The following PRLR variants were observed in gnomAD, a reference collection of about 807,000 sequenced individuals.
PRLR encodes the protein prolactin receptor.
In PRLR, 13 loss-of-function variants were observed where a neutral mutation model predicts 40.2. The observed-to-expected ratio is 0.32, with a 90% CI of 0.21 to 0.51. The LOEUF is 0.51. Among genes scored for constraint, PRLR ranks in the 20% least tolerant of loss-of-function variants. The pLI, the probability that PRLR is intolerant of heterozygous loss-of-function variation, is 0.97. For missense variants in PRLR, 656 were observed against 747.3 expected, an observed-to-expected ratio of 0.88 and a Z score of 1.42; for synonymous variants, 269 against 278.7, an observed-to-expected ratio of 0.97 and a Z score of 0.35.
In PRLR at chr5:35,059,266, CTAAGAT is replaced by C. The variant is rs1214241847; in HGVS notation, c.*5817_*5822del. ...GATGATCTGAGAGTTAATTAATAGA[CTAAGAT>C]TATCTGTGGTCTATTTATTGACCAC... On this transcript the variant is annotated 3_prime_UTR_variant, in exon 10 of 10. Coordinates refer to ENST00000618457, the MANE Select transcript of PRLR (RefSeq NM_000949.7). The C allele has an allele frequency of 1.3e-5, 2 of 152,060 alleles. No individual in the cohort carries two copies. The highest frequency in any genetic ancestry group is 6.6e-5 in the Admixed American group (1 of 15,252). The allele number at this position is 152,060 out of a possible 1,614,324, so 9.4% of individuals were successfully genotyped here. A position where few individuals can be genotyped will look rare whatever the true frequency, so the allele number is the denominator to read the frequency against.
chr5:35,150,760 A>C (rs191777395), intron 1 of PRLR, among the ~76,000 whole-genome samples: 1 of 152,356 alleles, frequency 6.6e-6, no homozygotes, highest in East Asian at 1.9e-4. Context: ...AATAGGAAAA[A>C]AAAATCTTAT....
At chr5:35,214,670 T>G (rs772788746) in intron 1 of PRLR, among the ~76,000 whole-genome samples, 70 of 152,218 alleles carry the variant, frequency 4.6e-4, no homozygotes, top group Non-Finnish European at 9.6e-4. Flanking sequence ...CCTCTTGTAT[T>G]CAGAGATGTG....
At chr5:35,126,949 G>T (rs992916510) in intron 1 of PRLR, among the ~76,000 whole-genome samples, 2 of 152,186 alleles carry the variant, frequency 1.3e-5, no homozygotes, top group Non-Finnish European at 2.9e-5. Context: ...AGATGGCCAT[G>T]CCAGGATCGT....
chr5:35,119,688 TTC>T (rs1773213389), intron 1 of PRLR, among the ~76,000 whole-genome samples: 1 of 152,212 alleles, frequency 6.6e-6, no homozygotes, highest in Non-Finnish European at 1.5e-5. Context: ...GAACTTAAAG[TTC>T]TCTCTTTGAT....
Position 35,084,594 on chromosome 5 carries a change from G to C in PRLR, c.249C>G (p.Pro83=), listed in dbSNP as rs779033691. 6.2e-7 allele frequency: 1 copy of C among 1,610,854 alleles called. No individual in the cohort carries two copies. The highest frequency in any genetic ancestry group is 8.5e-7 in the Non-Finnish European group (1 of 1,178,754). The change falls in exon 5 of 10, where the codon CCC becomes CCG. Residue 83 remains proline, a synonymous_variant. Transcript: ENST00000618457. ...HECPDYITGG[P]NSCHFGKQYT... ...ACTGCTTGCCAAAGTGGCAGGAGTT[G>C]GGGCCACCGGTTATGTAGTCTGGAC...
intron 1 of PRLR, among the ~76,000 whole-genome samples, chr5:35,203,165 T>G (rs1775923701): frequency 6.6e-6 from 1 of 152,212 alleles, no homozygotes; most frequent in Non-Finnish European, 1.5e-5. Flanking sequence ...CTTGTTGACA[T>G]GTTACCTCAA....
intron 2 of PRLR, among the ~76,000 whole-genome samples, chr5:35,090,896 C>T (rs891662724): frequency 6.1e-5 from 9 of 147,156 alleles, no homozygotes; most frequent in Admixed American, 1.4e-4. Flanking sequence ...CTGCAAGCTC[C>T]GCTTACTGGA....
At chr5:35,121,703 G>A (rs1371451690) in intron 1 of PRLR, among the ~76,000 whole-genome samples, 1 of 152,084 alleles carries the variant, frequency 6.6e-6, no homozygotes, top group East Asian at 1.9e-4. Flanking sequence ...CTATGAGGTA[G>A]GCACTATTAT....
chr5:35,083,068 T>TACACACACACACAC (rs3836809), intron 5 of PRLR, among the ~76,000 whole-genome samples: 4 of 144,732 alleles, frequency 2.8e-5, no homozygotes, highest in African/African-American at 1.0e-4. Flanking sequence ...GGTAAGGCAA[T>TACACACACACACAC]ACACACACAC....
chr5:35,090,206 C>T (rs1023125818), intron 2 of PRLR, among the ~76,000 whole-genome samples: 4 of 152,126 alleles, frequency 2.6e-5, no homozygotes, highest in African/African-American at 7.2e-5. Context: ...TACCGCAAAG[C>T]GAACCACACA....
chr5:35,049,024 T>C (rs556439425), exon 9 of PRLR: 6 of 529,706 alleles, frequency 1.1e-5, no homozygotes, highest in Non-Finnish European at 2.2e-5. Context: ...CCATAGGAGG[T>C]GAAGGCACTA....
At chr5:35,187,080 G>C (rs1462807361) in intron 1 of PRLR, among the ~76,000 whole-genome samples, 1 of 152,184 alleles carries the variant, frequency 6.6e-6, no homozygotes, top group Non-Finnish European at 1.5e-5. Context: ...CTCCTGATCA[G>C]TAAAATGGGT....
intron 5 of PRLR, chr5:35,081,395 C>T (rs918496385): frequency 1.4e-5 from 3 of 209,994 alleles, no homozygotes; most frequent in African/African-American, 4.7e-5. Flanking sequence ...AATGGCATGG[C>T]CTTCCATGTC....
intron 1 of PRLR, among the ~76,000 whole-genome samples, chr5:35,189,062 A>G (rs1393440231): frequency 1.3e-5 from 2 of 152,118 alleles, no homozygotes; most frequent in Non-Finnish European, 2.9e-5. Flanking sequence ...GTGCTCTTAT[A>G]AAAAGGGGAA....
intron 1 of PRLR, among the ~76,000 whole-genome samples, chr5:35,222,718 T>C (rs36047773): frequency 0.11 from 16,563 of 152,180 alleles, 988 homozygotes; most frequent in Middle Eastern, 0.16. Flanking sequence ...TAGACTCACT[T>C]TGGGAGTTTA....
intron 1 of PRLR, among the ~76,000 whole-genome samples, chr5:35,211,559 C>T (rs1244925418): frequency 6.6e-6 from 1 of 152,070 alleles, no homozygotes; most frequent in African/African-American, 2.4e-5. Context: ...TTCCCAATAC[C>T]ATAATAATGT....
At chr5:35,135,757 A>G (rs1430280851) in intron 1 of PRLR, among the ~76,000 whole-genome samples, 1 of 152,142 alleles carries the variant, frequency 6.6e-6, no homozygotes, top group Non-Finnish European at 1.5e-5. Context: ...TGCCTCAGCC[A>G]GTGCCCGTCC....
At chr5:35,173,664 A>G (rs998105661) in intron 1 of PRLR, among the ~76,000 whole-genome samples, 4 of 152,204 alleles carry the variant, frequency 2.6e-5, no homozygotes, top group Non-Finnish European at 4.4e-5. Flanking sequence ...ATTTTTGGCA[A>G]CCAAAACTTT....
intron 1 of PRLR, among the ~76,000 whole-genome samples, chr5:35,159,319 GGAAA>G (rs747005521): frequency 3.9e-5 from 1 of 25,526 alleles, no homozygotes; most frequent in South Asian, 2.4e-3. Flanking sequence ...AATCAAGATA[GGAAA>G]AAAAAAAAAA....
Sources: gnomAD v4.1 joint callset for allele counts (sites outside exome capture counted in the v4.1 genomes callset) on GRCh38, gnomAD v4.1.1 for gene constraint, MANE v1.5 for transcripts, NCBI Gene and HGNC (gene_info 2026-07-23, HGNC 2026-07-21) for gene names.